SDK1: variants seen among roughly 807,000 people sequenced by gnomAD.
The protein encoded by SDK1 is protein sidekick-1.
SDK1 carries 157 observed loss-of-function variants against 245.5 expected under a neutral mutation model. That is an observed-to-expected ratio of 0.64 (90% CI 0.56 to 0.73). The LOEUF is 0.73. Among genes scored for constraint, SDK1 ranks in the 30% least tolerant of loss-of-function variants. The pLI, the probability that SDK1 is intolerant of heterozygous loss-of-function variation, is 0.00. For synonymous variants in SDK1, 1,647 were observed against 1,278.5 expected, an observed-to-expected ratio of 1.29 and a Z score of -6.15; for missense variants, 3,583 against 3,002.3, an observed-to-expected ratio of 1.19 and a Z score of -4.52.
chr7:3,557,458 A>G (rs1779622618), intron 1 of SDK1, among the ~76,000 whole-genome samples: 1 of 152,194 alleles, frequency 6.6e-6, no homozygotes, highest in South Asian at 2.1e-4. Flanking sequence ...GTCACAAAAG[A>G]GCAAGACCAG....
At chr7:3,303,369 C>G (rs937881520) in intron 1 of SDK1, among the ~76,000 whole-genome samples, 1 of 152,042 alleles carries the variant, frequency 6.6e-6, no homozygotes, top group Non-Finnish European at 1.5e-5. Flanking sequence ...TGCACTAAGA[C>G]CTGTACGTTC....
At chr7:3,305,149 T>A (rs969041722) in intron 1 of SDK1, among the ~76,000 whole-genome samples, 18 of 152,170 alleles carry the variant, frequency 1.2e-4, no homozygotes, top group African/African-American at 4.1e-4. Context: ...GCTTTTCACT[T>A]ATGTATCGTT....
rs559884830 is a variant in SDK1, at chr7:3,759,333, A to C, written c.714-62117A>C. Among the ~76,000 whole-genome samples the C allele has an allele frequency of 9.1e-4, 138 of 152,292 alleles. No individual in the cohort carries two copies. The Middle Eastern group carries it at 0.01, about 11-fold the overall frequency. On this transcript the variant is annotated intron_variant, in intron 4 of 44. Transcript: ENST00000404826. ...TGTTGGTGGCTATTGAATCATAGAAACATTTTTAAAAGAGCAGTGCTATAT... is the reference window on the plus strand; with the variant it reads ...TGTTGGTGGCTATTGAATCATAGAACCATTTTTAAAAGAGCAGTGCTATAT...
At chr7:3,687,610 A>T (rs965380906) in intron 4 of SDK1, among the ~76,000 whole-genome samples, 4 of 152,288 alleles carry the variant, frequency 2.6e-5, no homozygotes, top group South Asian at 4.1e-4. Flanking sequence ...GATGAAAAAA[A>T]TTCAGTCCCA....
intron 22 of SDK1, among the ~76,000 whole-genome samples, chr7:4,086,807 GC>G (rs1390006761): frequency 6.6e-6 from 1 of 152,108 alleles, no homozygotes; most frequent in African/African-American, 2.4e-5. Context: ...TAGGGTATGG[GC>G]ATCTCCAGGG....
intron 35 of SDK1, among the ~76,000 whole-genome samples, chr7:4,193,370 A>ATT (rs35464714): frequency 1.7e-5 from 1 of 57,830 alleles, no homozygotes; most frequent in African/African-American, 7.5e-5. Context: ...ATATTAAAAT[A>ATT]TTTATATATA....
At chr7:4,125,582 G>A (rs144169445) in intron 25 of SDK1, among the ~76,000 whole-genome samples, 1 of 152,180 alleles carries the variant, frequency 6.6e-6, no homozygotes, top group Admixed American at 6.5e-5. Context: ...CCTCGCAAGT[G>A]TTCCTGCTAC....
At chr7:4,038,323 A>T (rs983817392) in intron 17 of SDK1, among the ~76,000 whole-genome samples, 3 of 152,152 alleles carry the variant, frequency 2.0e-5, no homozygotes, top group Admixed American at 1.3e-4. Context: ...CTGAAACTTA[A>T]ACTCCAAACT....
chr7:4,194,945 G>A (rs939998272), intron 35 of SDK1, among the ~76,000 whole-genome samples: 1 of 152,138 alleles, frequency 6.6e-6, no homozygotes, highest in African/African-American at 2.4e-5. Flanking sequence ...TAATCGGTTA[G>A]CTAGTCAGCA....
chr7:3,996,965 A>C (rs1452472764), intron 14 of SDK1, among the ~76,000 whole-genome samples: 3 of 152,182 alleles, frequency 2.0e-5, no homozygotes, highest in African/African-American at 4.8e-5. Context: ...ATTTGTATGT[A>C]ACAAAATGCA....
intron 19 of SDK1, 53 bp downstream of exon 19, chr7:4,051,883 C>G: frequency 6.7e-7 from 1 of 1,497,346 alleles, no homozygotes; most frequent in Non-Finnish European, 9.1e-7. Flanking sequence ...GAGGTGTATA[C>G]CGCTGCAACT....
intron 38 of SDK1, among the ~76,000 whole-genome samples, chr7:4,213,420 AAAAAG>A (rs1207919716): frequency 6.6e-6 from 1 of 151,368 alleles, no homozygotes; most frequent in East Asian, 1.9e-4. Context: ...TCAAAAAAAA[AAAAAG>A]AAAACAAAAA....
intron 1 of SDK1, among the ~76,000 whole-genome samples, chr7:3,606,838 C>T (rs1454584345): frequency 6.9e-6 from 1 of 144,496 alleles, no homozygotes; most frequent in Non-Finnish European, 1.6e-5. Context: ...CTGTATGTGT[C>T]TTCCTGAAAA....
intron 36 of SDK1, 119 bp downstream of exon 36, chr7:4,206,113 G>A (rs1784209263): frequency 2.9e-6 from 2 of 678,854 alleles, no homozygotes; most frequent in Non-Finnish European, 5.0e-6. Flanking sequence ...GAGAGCTGGG[G>A]CCCAAGCGTC....
chr7:3,700,413 A>C (rs1373259954), intron 4 of SDK1, among the ~76,000 whole-genome samples: 1 of 152,206 alleles, frequency 6.6e-6, no homozygotes, highest in Non-Finnish European at 1.5e-5. Context: ...TGTTTATGAC[A>C]GTCATACTTG....
chr7:3,974,944 G>A lies in SDK1; in HGVS notation c.1994+399G>A, dbSNP rs1296507973. Among the ~76,000 whole-genome samples, 3 of 152,156 alleles carry A rather than the reference G, an allele frequency of 2.0e-5. No homozygotes were observed. In the East Asian group the frequency reaches 5.8e-4, roughly 29 times the overall value. ...GGAGTGGGACTGCTGAGGCGAGGTC[G>A]TTCCCGTGAAAGCCACCTAGACTTG... On this transcript the variant is annotated intron_variant, in intron 13 of 44. Transcript: ENST00000404826.
At chr7:4,184,305 T>C (rs1341811696) in intron 35 of SDK1, among the ~76,000 whole-genome samples, 1 of 152,194 alleles carries the variant, frequency 6.6e-6, no homozygotes, top group African/African-American at 2.4e-5. Context: ...AAGCGTCGGC[T>C]CTACTGTTTA....
At position 3,862,767 on chromosome 7, in the gene SDK1, C is replaced by T. The variant is rs544570416; in HGVS notation, c.847+41184C>T. ...ATACTTCAGTGTTCCTTAGAGCAGC[C>T]GTCCCCAACCTTTTTGGTACCAGGG... On this transcript the variant is annotated intron_variant, in intron 5 of 44. Coordinates refer to ENST00000404826, the MANE Select transcript of SDK1 (RefSeq NM_152744.4). Among the ~76,000 whole-genome samples the T allele has an allele frequency of 3.9e-5, 6 of 152,220 alleles. No homozygotes were observed. In the East Asian group the frequency reaches 9.7e-4, roughly 24 times the overall value.
At position 4,268,674 on chromosome 7, in the gene SDK1, A is replaced by C. The variant is rs1157878786; in HGVS notation, c.*3290A>C. 1.5e-6 allele frequency: 2 copies of C among 1,367,726 alleles called. No homozygotes were observed. Among genetic ancestry groups the C allele is most frequent in the Non-Finnish European group, 2.0e-6 (2 of 1,021,986 alleles). 84.7% of individuals were successfully genotyped at this position (1,367,726 alleles called of 1,614,324 possible). On this transcript the variant is annotated 3_prime_UTR_variant, in exon 45 of 45. Coordinates refer to ENST00000404826, the MANE Select transcript of SDK1 (RefSeq NM_152744.4). The stretch of plus-strand genomic sequence containing the variant: ...TTTATTTCTTACGCATTCTTGGCAC[A>C]CAGTGTAGCTATCCTCCTGACGAGC...
Sources: gnomAD v4.1 joint callset for allele counts (sites outside exome capture counted in the v4.1 genomes callset) on GRCh38, gnomAD v4.1.1 for gene constraint, MANE v1.5 for transcripts, NCBI Gene and HGNC (gene_info 2026-07-23, HGNC 2026-07-21) for gene names.